The following ACER1 variants were observed in gnomAD, a reference collection of about 807,000 sequenced individuals.
ACER1 encodes CTB-180A7.3.
A neutral mutation model predicts 24.9 loss-of-function variants in ACER1; 28 were observed. That is an observed-to-expected ratio of 1.13 (90% CI 0.83 to 1.54). ACER1 has a LOEUF of 1.54. Ranked by LOEUF, ACER1 falls within the 40% of genes most tolerant of loss-of-function variation. The probability of loss-of-function intolerance (pLI) is 0.00; values close to 1 mark genes in which losing one functional copy is unlikely to be tolerated. For missense variants in ACER1, 352 were observed against 349.3 expected (o/e 1.01, Z -0.06); for synonymous variants, 132 against 131.4 (o/e 1.00, Z -0.03).
intron 1 of ACER1, among the ~76,000 whole-genome samples, chr19:6,326,788 A>T (rs557706051): frequency 1.3e-5 from 2 of 152,046 alleles, no homozygotes; most frequent in Non-Finnish European, 2.9e-5. Context: ...TAGCATTTTG[A>T]TTGAATAAAT....
upstream of ACER1, chr19:6,333,656 C>T (rs958980184): frequency 7.3e-6 from 7 of 959,986 alleles, 1 homozygote; most frequent in Admixed American, 5.4e-5. Flanking sequence ...CGGTGCCCCG[C>T]GGCAGGCAGA....
rs182836209 is a variant in ACER1 at position 6,333,365 on chromosome 19, C to A, written c.93+94G>T. On this transcript the variant is annotated intron_variant, in intron 1 of 5. Coordinates refer to ENST00000301452, the MANE Select transcript of ACER1 (RefSeq NM_133492.3). ...AAAACTAGGGCTGAGACAGGTGAAC[C>A]ACTCCAGCAAGATTCCCCAGTAAGG... 89 of 1,037,322 alleles carry A rather than the reference C, an allele frequency of 8.6e-5. No individual in the cohort carries two copies. In the East Asian group the frequency reaches 2.5e-3, roughly 29 times the overall value. The allele number at this position is 1,037,322 out of a possible 1,614,324, so 64.3% of individuals were successfully genotyped here. A position where few individuals can be genotyped will look rare whatever the true frequency, so the allele number is the denominator to read the frequency against.
Position 6,307,142 on chromosome 19 carries a change from C to T in ACER1, c.626+11G>A, listed in dbSNP as rs761412692. 3.1e-6 allele frequency: 5 copies of T among 1,613,782 alleles called. No individual in the cohort carries two copies. On this transcript the variant is annotated intron_variant, in intron 5 of 5. Transcript: ENST00000301452. ...CTCTGGGCCCCCCACAGCCTCAGAG[C>T]ATGTGCTTACCAGATGCTGTGCAGA...
At chr19:6,315,004 G>T (rs1283004722) in intron 1 of ACER1, among the ~76,000 whole-genome samples, 4 of 151,632 alleles carry the variant, frequency 2.6e-5, no homozygotes, top group African/African-American at 2.4e-5. Context: ...CCATTCTCCT[G>T]CCTCAGCCTC....
chr19:6,313,407 T>G (rs929023340), intron 1 of ACER1, among the ~76,000 whole-genome samples: 11 of 152,330 alleles, frequency 7.2e-5, no homozygotes. Flanking sequence ...TATGAACCAC[T>G]GCACCCAGCC....
chr19:6,357,758 G>C, the ACER1 span, among the ~76,000 whole-genome samples: 1 of 146,204 alleles, frequency 6.8e-6, no homozygotes, highest in South Asian at 2.1e-4. Context: ...GTGAGACCCC[G>C]TCTCAAAAAA....
the ACER1 span, among the ~76,000 whole-genome samples, chr19:6,349,404 AGAAGGAAGGAAAGAAG>A: frequency 1.6e-3 from 212 of 133,482 alleles, no homozygotes; most frequent in Non-Finnish European, 7.5e-4. Flanking sequence ...AGGGAGGGAG[AGAAGGAAGGAAAGAAG>A]GAAGGAAGGA....
the ACER1 span, among the ~76,000 whole-genome samples, chr19:6,352,965 A>G: frequency 6.6e-6 from 1 of 152,242 alleles, no homozygotes; most frequent in African/African-American, 2.4e-5. Context: ...TTTGGAGCCA[A>G]GAGCCAAAAT....
rs568794564 is a variant in ACER1 at position 6,311,879 on chromosome 19, T to C, written c.350+270A>G. Among the ~76,000 whole-genome samples the C allele has an allele frequency of 5.0e-4, 76 of 152,110 alleles. 1 individual carries two copies. Among genetic ancestry groups the C allele is most frequent in the African/African-American group, 1.8e-3 (74 of 41,504 alleles). On this transcript the variant is annotated intron_variant, in intron 3 of 5. Coordinates refer to ENST00000301452, the MANE Select transcript of ACER1 (RefSeq NM_133492.3). The stretch of plus-strand genomic sequence containing the variant: ...TAGACATGAGGTCCTGGAACTCCTG[T>C]TGGCTGCAACAGATTCTGGAGGAAG...
intron 5 of ACER1, 74 bp from the exon 6 acceptor site, chr19:6,306,956 C>T (rs1314935917): frequency 8.4e-6 from 13 of 1,544,356 alleles, no homozygotes; most frequent in Non-Finnish European, 1.1e-5. Flanking sequence ...TTTTACTTCT[C>T]ATGGCTCTTG....
At chr19:6,333,104 C>CTGAGGGG in intron 1 of ACER1, among the ~76,000 whole-genome samples, 1 of 152,126 alleles carries the variant, frequency 6.6e-6, no homozygotes, top group South Asian at 2.1e-4. Flanking sequence ...GGCCCACCCC[C>CTGAGGGG]TCTAGCTCAG....
At chr19:6,307,079 G>C (rs2091556009) in intron 5 of ACER1, 74 bp downstream of exon 5, 1 of 1,587,746 alleles carries the variant, frequency 6.3e-7, no homozygotes, top group African/African-American at 1.3e-5. Flanking sequence ...CCAGCCCCCA[G>C]GTGCCTACTC....
At chr19:6,317,136 G>A (rs1019931785) in intron 1 of ACER1, among the ~76,000 whole-genome samples, 1 of 151,618 alleles carries the variant, frequency 6.6e-6, no homozygotes, top group African/African-American at 2.4e-5. Flanking sequence ...ACCATACCCG[G>A]CTAACTTTTG....
the ACER1 span, among the ~76,000 whole-genome samples, chr19:6,357,311 T>C: frequency 1.3e-5 from 2 of 151,668 alleles, no homozygotes; most frequent in Non-Finnish European, 2.9e-5. Flanking sequence ...CCTCCCAAAG[T>C]ACTGGGATTA....
At chr19:6,319,661 G>C (rs1269856451) in intron 1 of ACER1, among the ~76,000 whole-genome samples, 1 of 152,062 alleles carries the variant, frequency 6.6e-6, no homozygotes, top group East Asian at 1.9e-4. Context: ...TGGTTTTCCT[G>C]CTCCTACTTC....
At chr19:6,355,689 C>T in the ACER1 span, among the ~76,000 whole-genome samples, 1 of 145,674 alleles carries the variant, frequency 6.9e-6, no homozygotes, top group African/African-American at 2.6e-5. Flanking sequence ...TGCCCGGCCA[C>T]CCCTACTGGG....
chr19:6,335,552 CG>C (rs2091710731), upstream of ACER1, among the ~76,000 whole-genome samples: 1 of 152,006 alleles, frequency 6.6e-6, no homozygotes, highest in African/African-American at 2.4e-5. Flanking sequence ...AATCCTACCC[CG>C]GGTGCTGTGG....
intron 1 of ACER1, among the ~76,000 whole-genome samples, chr19:6,326,085 G>A (rs1263171539): frequency 2.0e-5 from 3 of 150,744 alleles, no homozygotes; most frequent in African/African-American, 7.3e-5. Context: ...CTCCGGAGTA[G>A]CTGGGACCAC....
At chr19:6,347,202 C>T in the ACER1 span, among the ~76,000 whole-genome samples, 6 of 143,922 alleles carry the variant, frequency 4.2e-5, no homozygotes, top group African/African-American at 1.6e-4. Context: ...GAAATAGTCT[C>T]TTTTTCTTTT....
Sources: allele counts gnomAD v4.1 joint callset (sites outside exome capture counted in the v4.1 genomes callset), GRCh38; gene constraint gnomAD v4.1.1; transcripts MANE v1.5; gene names NCBI Gene and HGNC (gene_info 2026-07-23, HGNC 2026-07-21).